The following DNAJC13 variants were observed in gnomAD, a reference collection of about 807,000 sequenced individuals.
The protein encoded by DNAJC13 is dnaJ homolog subfamily C member 13.
Under a neutral mutation model 290.5 loss-of-function variants are expected in DNAJC13, and 75 were observed. The ratio of observed to expected loss-of-function variants is 0.26; its 90% CI spans 0.21 to 0.31. DNAJC13 has a LOEUF of 0.31. Ranked by LOEUF, DNAJC13 falls within the 10% of genes least tolerant of loss-of-function variation. The pLI is 1.00. For synonymous variants in DNAJC13, 862 were observed against 892.0 expected (o/e 0.97, Z 0.60); for missense variants, 2,260 against 2,674.5 (o/e 0.85, Z 3.42).
intron 50 of DNAJC13, 122 bp from the exon 51 acceptor site, chr3:132,523,418 A>T: frequency 7.8e-7 from 1 of 1,285,410 alleles, no homozygotes; most frequent in South Asian, 1.5e-5. Flanking sequence ...AAAACTCATA[A>T]TTTGATTATA....
rs2107711503 is a variant in DNAJC13 at position 132,494,276 on chromosome 3, A to G, written c.3941+17A>G. The G allele has an allele frequency of 1.3e-6, 2 of 1,554,494 alleles. No homozygotes were observed. Among genetic ancestry groups the G allele is most frequent in the South Asian group, 1.1e-5 (1 of 89,268 alleles). ...ACAGGGACCGTGAGTTGTTTTCAGTACAATAGCAAATGTCTGTCCCACCTT... is the reference window on the plus strand; with the variant it reads ...ACAGGGACCGTGAGTTGTTTTCAGTGCAATAGCAAATGTCTGTCCCACCTT... On this transcript the variant is annotated intron_variant, in intron 34 of 55. Coordinates refer to ENST00000260818, the MANE Select transcript of DNAJC13 (RefSeq NM_015268.4).
chr3:132,502,437 G>A lies in DNAJC13; in HGVS notation c.4685G>A (p.Gly1562Asp), dbSNP rs997373086. The A allele has an allele frequency of 3.7e-6, 6 of 1,609,688 alleles. No individual in the cohort carries two copies. Among genetic ancestry groups the A allele is most frequent in the East Asian group, 2.2e-5 (1 of 44,796 alleles). Residue 1562 changes from glycine (G) to aspartate (D), a missense_variant, in exon 40 of 56, where the codon GGC becomes GAC. Physicochemically the swap from Gly to Asp is moderately conservative, Grantham distance 94. Transcript: ENST00000260818. Reference protein sequence around the residue: ...FNYDYTLEESGIQKSEETNQQ... With the variant: ...FNYDYTLEESDIQKSEETNQQ... ...TATGACTACACACTAGAAGAGAGTG[G>A]CATTCAGAAAAGTGAAGAAACAAAC...
intron 48 of DNAJC13, among the ~76,000 whole-genome samples, chr3:132,518,604 G>T (rs968498727): frequency 4.6e-5 from 7 of 152,106 alleles, no homozygotes; most frequent in Non-Finnish European, 1.0e-4. Context: ...TGATCCACCC[G>T]CCTTGGCCTC....
rs190854478 is a variant in DNAJC13 at position 132,460,909 on chromosome 3, A to G, written c.1558-141A>G. ...AAAGCAAGTACTAAAGAGTCATCCAACTTTGAACCTCATGTTGAGAAATTA... is the reference window on the plus strand; with the variant it reads ...AAAGCAAGTACTAAAGAGTCATCCAGCTTTGAACCTCATGTTGAGAAATTA... On this transcript the variant is annotated intron_variant, in intron 14 of 55. Transcript: ENST00000260818. The G allele has an allele frequency of 3.2e-4, 243 of 763,676 alleles. No individual in the cohort carries two copies. The African/African-American group carries it at 3.7e-3, about 12-fold the overall frequency. The allele number at this position is 763,676 out of a possible 1,614,324, so 47.3% of individuals were successfully genotyped here.
At chr3:132,468,003 G>A (rs959527526) in intron 20 of DNAJC13, among the ~76,000 whole-genome samples, 2 of 152,016 alleles carry the variant, frequency 1.3e-5, no homozygotes, top group African/African-American at 4.8e-5. Flanking sequence ...TTTTTATTCA[G>A]AACTAGCCAG....
Position 132,503,244 on chromosome 3 carries a change from G to A in DNAJC13, c.4747G>A (p.Val1583Ile), listed in dbSNP as rs1935477509. Reference sequence around the variant, plus strand: ...AGCAAACAGCCTTGCCAAACTGAGTGTCCATGCTCTGAGTCGCCTTGGAGG... The same window carrying A: ...AGCAAACAGCCTTGCCAAACTGAGTATCCATGCTCTGAGTCGCCTTGGAGG... ...EVANSLAKLS[V>I]HALSRLGGYL... The change falls in exon 41 of 56, where the codon GTC becomes ATC. Residue 1583 changes from valine to isoleucine, a missense_variant. Val to Ile is a conservative substitution (Grantham distance 29). Transcript: ENST00000260818. The A allele has an allele frequency of 6.2e-7, 1 of 1,613,970 alleles. No homozygotes were observed. Among genetic ancestry groups the A allele is most frequent in the Admixed American group, 1.7e-5 (1 of 59,996 alleles).
rs756522467 is a variant in DNAJC13, at chr3:132,483,462, A to G, written c.3067A>G (p.Ile1023Val). 2.5e-6 allele frequency: 4 copies of G among 1,614,056 alleles called. No homozygotes were observed. The Admixed American group carries it at 5.0e-5, about 20-fold the overall frequency. ...GMDGWRPLQS[I>V]PQLKWCLLAS... ...GGATGGATGGCGACCACTTCAGTCCATACCCCAGCTTAAGTGGTGTCTCTT... is the reference window on the plus strand; with the variant it reads ...GGATGGATGGCGACCACTTCAGTCCGTACCCCAGCTTAAGTGGTGTCTCTT... The change falls in exon 28 of 56, where the codon ATA (isoleucine) becomes GTA (valine). Residue 1023 changes from isoleucine to valine, a missense_variant. Physicochemically the swap from Ile to Val is conservative, Grantham distance 29. Transcript: ENST00000260818.
At chr3:132,493,047 C>G (rs1370069380) in intron 33 of DNAJC13, among the ~76,000 whole-genome samples, 1 of 151,966 alleles carries the variant, frequency 6.6e-6, no homozygotes, top group Admixed American at 6.6e-5. Flanking sequence ...CTTGATTTGT[C>G]TAAACTTCAG....
intron 6 of DNAJC13, among the ~76,000 whole-genome samples, chr3:132,451,240 T>C (rs898821375): frequency 6.6e-6 from 1 of 152,054 alleles, no homozygotes; most frequent in Non-Finnish European, 1.5e-5. Context: ...GTTAGGAGGA[T>C]AGCTTGAGCC....
intron 1 of DNAJC13, among the ~76,000 whole-genome samples, chr3:132,418,573 A>C (rs991886148): frequency 6.6e-6 from 1 of 152,160 alleles, no homozygotes; most frequent in Non-Finnish European, 1.5e-5. Flanking sequence ...GTGGTCTCCC[A>C]AAGTAATTAT....
At chr3:132,466,659 A>C (rs1934000458) in intron 19 of DNAJC13, among the ~76,000 whole-genome samples, 1 of 152,156 alleles carries the variant, frequency 6.6e-6, no homozygotes, top group Non-Finnish European at 1.5e-5. Context: ...TGGTCATTTT[A>C]TTCTGTGTTT....
At chr3:132,452,653 G>A (rs1304560774) in intron 6 of DNAJC13, among the ~76,000 whole-genome samples, 1 of 152,292 alleles carries the variant, frequency 6.6e-6, no homozygotes, top group Middle Eastern at 3.4e-3. Context: ...ATGCTTGTTG[G>A]GGCATTTCAG....
intron 32 of DNAJC13, 65 bp from the exon 33 acceptor site, chr3:132,492,349 G>C: frequency 6.8e-7 from 1 of 1,478,860 alleles, no homozygotes; most frequent in South Asian, 1.2e-5. Context: ...ACATGATTAT[G>C]TATCTCAACC....
intron 45 of DNAJC13, among the ~76,000 whole-genome samples, chr3:132,513,571 A>C (rs1261664298): frequency 1.2e-4 from 19 of 152,152 alleles, no homozygotes; most frequent in Non-Finnish European, 1.5e-5. Context: ...TACAAGAGCT[A>C]CCTTTTCTGT....
Position 132,538,343 on chromosome 3 carries a change from G to A in DNAJC13, c.*61G>A. On this transcript the variant is annotated 3_prime_UTR_variant, in exon 56 of 56. Transcript: ENST00000260818. ...GTGCCAAGTCCACATTCCTCCAGCT[G>A]ATACGTTGAAGCAAACTCTTACTGC... 1 of 1,367,452 alleles carries A rather than the reference G, an allele frequency of 7.3e-7. No individual in the cohort carries two copies. Among genetic ancestry groups the A allele is most frequent in the Non-Finnish European group, 1.0e-6 (1 of 970,636 alleles). 84.7% of individuals were successfully genotyped at this position (1,367,452 alleles called of 1,614,324 possible). A position where few individuals can be genotyped will look rare whatever the true frequency, so the allele number is the denominator to read the frequency against.
chr3:132,436,284 A>G (rs1478025442), intron 2 of DNAJC13, among the ~76,000 whole-genome samples: 1 of 152,156 alleles, frequency 6.6e-6, no homozygotes, highest in Admixed American at 6.5e-5. Flanking sequence ...TATTTGGAAC[A>G]TCTTATATAA....
intron 27 of DNAJC13, 47 bp downstream of exon 27, chr3:132,482,377 T>C (rs747591375): frequency 3.4e-6 from 5 of 1,462,850 alleles, no homozygotes; most frequent in Non-Finnish European, 4.8e-6. Context: ...GCATTTCTTA[T>C]GCCCTCCTGC....
chr3:132,512,516 A>G (rs1370582130), intron 44 of DNAJC13, among the ~76,000 whole-genome samples: 1 of 152,198 alleles, frequency 6.6e-6, no homozygotes, highest in Non-Finnish European at 1.5e-5. Context: ...GTAGGAATGG[A>G]AATACCATTT....
At chr3:132,433,472 T>C (rs1939293276) in intron 1 of DNAJC13, among the ~76,000 whole-genome samples, 1 of 151,964 alleles carries the variant, frequency 6.6e-6, no homozygotes, top group Non-Finnish European at 1.5e-5. Context: ...AGAGAACGTC[T>C]CACTATGTTG....
Sources: gnomAD v4.1 joint callset for allele counts (sites outside exome capture counted in the v4.1 genomes callset) on GRCh38, gnomAD v4.1.1 for gene constraint, MANE v1.5 for transcripts, NCBI Gene and HGNC (gene_info 2026-07-23, HGNC 2026-07-21) for gene names.